KCNIP1: variants seen among roughly 807,000 people sequenced by gnomAD.
The protein encoded by KCNIP1 is A-type potassium channel modulatory protein KCNIP1.
KCNIP1 carries 18 observed loss-of-function variants against 33.0 expected under a neutral mutation model. The ratio of observed to expected loss-of-function variants is 0.55; its 90% confidence interval spans 0.38 to 0.81. The LOEUF is 0.81. Among genes scored for constraint, KCNIP1 ranks in the 30% least tolerant of loss-of-function variants. The pLI, the probability that KCNIP1 is intolerant of heterozygous loss-of-function variation, is 0.00. For missense variants in KCNIP1, 238 were observed against 271.6 expected, an observed-to-expected ratio of 0.88 and a Z score of 0.87; for synonymous variants, 93 against 98.3, an observed-to-expected ratio of 0.95 and a Z score of 0.32.
intron 1 of KCNIP1, among the ~76,000 whole-genome samples, chr5:170,454,064 C>T (rs1756318203): frequency 6.6e-6 from 1 of 152,234 alleles, no homozygotes; most frequent in African/African-American, 2.4e-5. Context: ...AGTTGTTACA[C>T]AGTTTAGAAA....
chr5:170,553,114 T>C (rs898782679), intron 1 of KCNIP1, among the ~76,000 whole-genome samples: 2 of 152,154 alleles, frequency 1.3e-5, no homozygotes, highest in Non-Finnish European at 2.9e-5. Context: ...CAGCAGCACC[T>C]CCTCCCGTGA....
intron 1 of KCNIP1, among the ~76,000 whole-genome samples, chr5:170,441,951 CAAAAAAAAAAAAA>C (rs34610945): frequency 2.8e-5 from 2 of 72,224 alleles, no homozygotes; most frequent in Non-Finnish European, 5.0e-5. Flanking sequence ...GACTCCATCT[CAAAAAAAAAAAAA>C]AAAAAAAAAA....
chr5:170,598,900 T>TGTGTGTGTGTGC (rs1561709506), intron 1 of KCNIP1, among the ~76,000 whole-genome samples: 5 of 89,546 alleles, frequency 5.6e-5, no homozygotes, highest in African/African-American at 1.9e-4. Flanking sequence ...TGTGTGTGTG[T>TGTGTGTGTGTGC]GCGCGTGTGT....
At chr5:170,721,957 C>G (rs945435168) in intron 4 of KCNIP1, 54 bp downstream of exon 4, 7 of 1,597,482 alleles carry the variant, frequency 4.4e-6, no homozygotes, top group Non-Finnish European at 6.0e-6. Flanking sequence ...ATCACCTCCC[C>G]CTCTAAATCT....
At chr5:170,720,708 G>A (rs1763790843) in intron 3 of KCNIP1, among the ~76,000 whole-genome samples, 1 of 152,206 alleles carries the variant, frequency 6.6e-6, no homozygotes, top group African/African-American at 2.4e-5. Context: ...GTGTACTCAA[G>A]ATTGCACAGC....
At chr5:170,666,264 C>T (rs1269425917) in intron 1 of KCNIP1, among the ~76,000 whole-genome samples, 1 of 152,166 alleles carries the variant, frequency 6.6e-6, no homozygotes, top group Non-Finnish European at 1.5e-5. Context: ...CCTTTGGGTA[C>T]TGGGGCTCTT....
chr5:170,462,351 A>G (rs1756524849), intron 1 of KCNIP1, among the ~76,000 whole-genome samples: 1 of 152,052 alleles, frequency 6.6e-6, no homozygotes, highest in Non-Finnish European at 1.5e-5. Flanking sequence ...AAGAAGATAT[A>G]CAAATGGCCA....
At chr5:170,626,797 G>A (rs1759847229) in intron 1 of KCNIP1, among the ~76,000 whole-genome samples, 1 of 152,180 alleles carries the variant, frequency 6.6e-6, no homozygotes, top group African/African-American at 2.4e-5. Context: ...AGGGGATTGG[G>A]ATGGGCTACT....
intron 1 of KCNIP1, chr5:170,378,803 G>A (rs1764113716): frequency 6.8e-6 from 11 of 1,614,230 alleles, no homozygotes; most frequent in Non-Finnish European, 8.5e-6. Flanking sequence ...AGAAGAGGGA[G>A]AAGAGGAGGG....
intron 1 of KCNIP1, among the ~76,000 whole-genome samples, chr5:170,413,664 A>C (rs1755253948): frequency 6.6e-6 from 1 of 152,090 alleles, no homozygotes; most frequent in Non-Finnish European, 1.5e-5. Flanking sequence ...TTTACACATA[A>C]ATATGTAAAA....
intron 1 of KCNIP1, among the ~76,000 whole-genome samples, chr5:170,530,546 C>T (rs1284045719): frequency 6.6e-6 from 1 of 152,246 alleles, no homozygotes; most frequent in Non-Finnish European, 1.5e-5. Context: ...CCCACAAGGT[C>T]AGCCCCTTGG....
intron 1 of KCNIP1, among the ~76,000 whole-genome samples, chr5:170,388,021 C>T (rs1293171329): frequency 6.7e-6 from 1 of 149,414 alleles, no homozygotes; most frequent in African/African-American, 2.5e-5. Flanking sequence ...CTAATCAGCC[C>T]CCCCCAGCGC....
chr5:170,698,176 A>T (rs1173638998), intron 1 of KCNIP1, among the ~76,000 whole-genome samples: 1 of 152,074 alleles, frequency 6.6e-6, no homozygotes, highest in Non-Finnish European at 1.5e-5. Context: ...GTACCCGGGT[A>T]TCACAGGCCT....
intron 1 of KCNIP1, among the ~76,000 whole-genome samples, chr5:170,438,251 A>G (rs1755908947): frequency 6.6e-6 from 1 of 152,068 alleles, no homozygotes; most frequent in South Asian, 2.1e-4. Flanking sequence ...ACCAGTACTG[A>G]GCTTTTCCTG....
At chr5:170,641,670 G>T (rs1276887312) in intron 1 of KCNIP1, among the ~76,000 whole-genome samples, 1 of 152,226 alleles carries the variant, frequency 6.6e-6, no homozygotes, top group African/African-American at 2.4e-5. Flanking sequence ...AGGGGTGGCG[G>T]CTTCCAGGTA....
chr5:170,523,868 C>T (rs1230175002), intron 1 of KCNIP1, among the ~76,000 whole-genome samples: 3 of 152,186 alleles, frequency 2.0e-5, no homozygotes, highest in Non-Finnish European at 2.9e-5. Context: ...CATACCTAAC[C>T]TCCCAGACCT....
At position 170,458,575 on chromosome 5, in the gene KCNIP1, A is replaced by C. The variant is rs572106472; in HGVS notation, c.88+104611A>C. Among the ~76,000 whole-genome samples, 3 of 152,354 alleles carry C rather than the reference A, an allele frequency of 2.0e-5. No homozygotes were observed. The South Asian group carries it at 6.2e-4, about 32-fold the overall frequency. ...CCTTAAACAAAACAATTATCAGCCA[A>C]GAATTTTGTAGCCAGTGAAACTAAG... On this transcript the variant is annotated intron_variant, in intron 1 of 7. Coordinates refer to the KCNIP1 transcript ENST00000377360.
At chr5:170,443,655 G>A (rs1390287436) in intron 1 of KCNIP1, among the ~76,000 whole-genome samples, 1 of 152,214 alleles carries the variant, frequency 6.6e-6, no homozygotes, top group African/African-American at 2.4e-5. Flanking sequence ...CTCGTCCTGA[G>A]TTCTCCTCTG....
rs538379318 is a variant in KCNIP1 at position 170,470,178 on chromosome 5, C to T, written c.88+116214C>T. Among the ~76,000 whole-genome samples, 47 of 152,262 alleles carry T rather than the reference C, an allele frequency of 3.1e-4. 1 individual carries two copies. Among genetic ancestry groups the T allele is most frequent in the Admixed American group, 9.2e-4 (14 of 15,280 alleles). ...CTTGAGCACATCTGGCCCCCACTTT[C>T]TCCTTTCCTCCTCTCTTCTACTAAA... On this transcript the variant is annotated intron_variant, in intron 1 of 7. Transcript: ENST00000377360.
Sources: gnomAD v4.1 joint callset for allele counts (sites outside exome capture counted in the v4.1 genomes callset) on GRCh38, gnomAD v4.1.1 for gene constraint, MANE v1.5 for transcripts, NCBI Gene and HGNC (gene_info 2026-07-23, HGNC 2026-07-21) for gene names.